Variants in ECPAS observed in about 807,000 individuals in gnomAD.
ECPAS encodes the protein proteasome adapter and scaffold protein ECM29.
Under a neutral mutation model 255.1 loss-of-function variants are expected in ECPAS, and 70 were observed. The observed-to-expected ratio is 0.27, with a 90% confidence interval of 0.23 to 0.33. The LOEUF (loss-of-function observed/expected upper bound fraction) is 0.33. ECPAS is among the 10% of genes least tolerant of loss of function. The pLI, the probability that ECPAS is intolerant of heterozygous loss-of-function variation, is 1.00. For missense variants in ECPAS, 1,817 were observed against 2,206.4 expected (o/e 0.82, Z 3.54); for synonymous variants, 784 against 775.0 (o/e 1.01, Z -0.19).
intron 9 of ECPAS, among the ~76,000 whole-genome samples, 186 bp from the exon 10 acceptor site, chr9:111,428,347 T>A (rs570549550): frequency 2.3e-4 from 35 of 152,190 alleles, no homozygotes; most frequent in African/African-American, 7.0e-4. Flanking sequence ...ATATTTACTA[T>A]ACGGGAAATT....
Position 111,410,165 on chromosome 9 carries a change from G to C in ECPAS, c.2426C>G (p.Thr809Arg). ...ATTTCTGCCAATTTCACCCAGGGCT[G>C]TGCAGGCAGCAATTGCCAGGAGGGG... ...TSPLLAIAAC[T>R]ALGEIGRNGP... is the part of the protein sequence containing the mutation. Residue 809 changes from threonine (T) to arginine (R), a missense_variant, in exon 23 of 50, where the codon ACA becomes AGA. Physicochemically the swap from Thr to Arg is moderately conservative, Grantham distance 71 (BLOSUM62 -1). This residue lies in a region of ECPAS where 194 missense variants were observed against 152.8 expected (regional missense o/e 1.27). Coordinates refer to ENST00000684092, the MANE Select transcript of ECPAS (RefSeq NM_001364929.1). 6.2e-7 allele frequency: 1 copy of C among 1,613,252 alleles called. No individual in the cohort carries two copies. Among genetic ancestry groups the C allele is most frequent in the Non-Finnish European group, 8.5e-7 (1 of 1,179,656 alleles).
At chr9:111,404,701 C>T (rs1318165718) in intron 24 of ECPAS, among the ~76,000 whole-genome samples, 2 of 148,450 alleles carry the variant, frequency 1.3e-5, no homozygotes, top group South Asian at 4.2e-4. Context: ...GTCAATTAAA[C>T]CTGTTTTCTT....
intron 2 of ECPAS, among the ~76,000 whole-genome samples, chr9:111,456,146 AATAC>A (rs2098266687): frequency 1.3e-5 from 2 of 152,230 alleles, no homozygotes; most frequent in African/African-American, 4.8e-5. Flanking sequence ...ACTATGTAAT[AATAC>A]ATACAGAAAA....
chr9:111,477,855 C>T (rs980528497), intron 1 of ECPAS, among the ~76,000 whole-genome samples: 4 of 150,860 alleles, frequency 2.7e-5, no homozygotes, highest in Non-Finnish European at 5.9e-5. Flanking sequence ...CAAATGCTAA[C>T]AATAACAAGT....
intron 20 of ECPAS, among the ~76,000 whole-genome samples, chr9:111,412,404 G>A (rs1053237387): frequency 4.6e-5 from 7 of 152,126 alleles, no homozygotes; most frequent in Non-Finnish European, 1.0e-4. Context: ...GCAAACTTCT[G>A]TAAAAAAACA....
intron 41 of ECPAS, 109 bp downstream of exon 41, chr9:111,373,061 T>C: frequency 6.4e-6 from 6 of 933,124 alleles, no homozygotes; most frequent in Non-Finnish European, 1.0e-5. Context: ...GAAACAAATG[T>C]TTCTAGCAAA....
At chr9:111,455,094 A>G (rs1175284562) in intron 2 of ECPAS, among the ~76,000 whole-genome samples, 1 of 152,184 alleles carries the variant, frequency 6.6e-6, no homozygotes, top group Non-Finnish European at 1.5e-5. Flanking sequence ...CGGAGTTTCT[A>G]GGCATGCTTA....
intron 24 of ECPAS, among the ~76,000 whole-genome samples, chr9:111,400,909 AAAG>A (rs2131660429): frequency 6.6e-6 from 1 of 152,350 alleles, no homozygotes; most frequent in African/African-American, 2.4e-5. Context: ...CACCCAGGTA[AAAG>A]AAGGTCAAAG....
intron 16 of ECPAS, among the ~76,000 whole-genome samples, chr9:111,418,225 T>C (rs2098207465): frequency 6.6e-6 from 1 of 152,218 alleles, no homozygotes; most frequent in Non-Finnish European, 1.5e-5. Context: ...GCTTACATCT[T>C]TGAATTTGAC....
intron 31 of ECPAS, 92 bp downstream of exon 31, chr9:111,389,464 T>C (rs1430558875): frequency 1.2e-5 from 14 of 1,144,556 alleles, no homozygotes; most frequent in Non-Finnish European, 1.7e-5. Flanking sequence ...ACATAAAAAG[T>C]AGAAAGGAAG....
At chr9:111,366,396 A>G in intron 47 of ECPAS, 69 bp from the exon 48 acceptor site, 1 of 1,357,450 alleles carries the variant, frequency 7.4e-7, no homozygotes, top group Non-Finnish European at 1.0e-6. Flanking sequence ...TCCTGTCACA[A>G]TTTCTATCTG....
intron 3 of ECPAS, among the ~76,000 whole-genome samples, chr9:111,445,839 C>A (rs549841540): frequency 1.7e-4 from 26 of 152,162 alleles, no homozygotes; most frequent in Admixed American, 7.9e-4. Flanking sequence ...CCCCACCCCC[C>A]ACAACAGGCC....
chr9:111,468,544 G>A (rs1393576048), intron 2 of ECPAS, among the ~76,000 whole-genome samples: 2 of 152,018 alleles, frequency 1.3e-5, no homozygotes, highest in African/African-American at 2.4e-5. Flanking sequence ...AGGAAGGGGT[G>A]AACCAGTAAA....
intron 16 of ECPAS, among the ~76,000 whole-genome samples, chr9:111,418,215 G>A (rs1160737917): frequency 2.6e-5 from 4 of 152,022 alleles, no homozygotes; most frequent in Admixed American, 6.6e-5. Context: ...GACTCATCTG[G>A]CTTACATCTT....
chr9:111,422,704 T>G lies in ECPAS; in HGVS notation c.1265+495A>C, dbSNP rs117360845. Among the ~76,000 whole-genome samples, 1,052 of 152,216 alleles carry G rather than the reference T, an allele frequency of 6.9e-3. 9 individuals carry two copies. Among genetic ancestry groups the G allele is most frequent in the Non-Finnish European group, 9.7e-3 (659 of 68,020 alleles). On this transcript the variant is annotated intron_variant, in intron 13 of 49. Coordinates refer to ENST00000684092, the MANE Select transcript of ECPAS (RefSeq NM_001364929.1). Reference sequence around the variant, plus strand: ...AGCACATGGTGCCACTGAGAATGCTTCATCTCTATCTCCCTGCTTTCAAAT... The same window carrying G: ...AGCACATGGTGCCACTGAGAATGCTGCATCTCTATCTCCCTGCTTTCAAAT...
At chr9:111,438,077 C>T (rs980536816) in intron 6 of ECPAS, among the ~76,000 whole-genome samples, 1 of 152,080 alleles carries the variant, frequency 6.6e-6, no homozygotes, top group Admixed American at 6.5e-5. Flanking sequence ...CTTAAGGAAT[C>T]GCTTTAATGT....
chr9:111,376,139 T>A (rs966739672), intron 37 of ECPAS, among the ~76,000 whole-genome samples: 1 of 152,184 alleles, frequency 6.6e-6, no homozygotes, highest in Admixed American at 6.5e-5. Flanking sequence ...ACTTTCCTAG[T>A]TCCTCCCAAA....
intron 24 of ECPAS, 43 bp downstream of exon 24, chr9:111,408,528 C>A: frequency 1.6e-6 from 2 of 1,213,120 alleles, no homozygotes; most frequent in African/African-American, 1.6e-5. Context: ...AAGACCAATG[C>A]CTTTTCTCTG....
intron 1 of ECPAS, among the ~76,000 whole-genome samples, chr9:111,482,238 C>A (rs2098306786): frequency 6.6e-6 from 1 of 152,192 alleles, no homozygotes; most frequent in Non-Finnish European, 1.5e-5. Flanking sequence ...GAGACCTTGT[C>A]TCCTCCGACT....
Sources: allele counts gnomAD v4.1 joint callset (sites outside exome capture counted in the v4.1 genomes callset), GRCh38; gene constraint gnomAD v4.1.1; regional missense constraint gnomAD v4.1.1; transcripts MANE v1.5; gene names NCBI Gene and HGNC (gene_info 2026-07-23, HGNC 2026-07-21).